MAPK10: variants seen among roughly 807,000 people sequenced by gnomAD.
MAPK10 encodes JNK3 alpha protein kinase.
Under a neutral mutation model 59.3 loss-of-function variants are expected in MAPK10, and 25 were observed. That is an observed-to-expected ratio of 0.42 (90% confidence interval 0.31 to 0.59). The LOEUF is 0.59. MAPK10 is among the 20% of genes least tolerant of loss of function. The pLI is 0.15. For synonymous variants in MAPK10, 190 were observed against 200.5 expected (o/e 0.95, Z 0.44); for missense variants, 351 against 568.9 (o/e 0.62, Z 3.90).
chr4:86,166,383 T>G (rs564619959), intron 3 of MAPK10, among the ~76,000 whole-genome samples: 1 of 152,244 alleles, frequency 6.6e-6, no homozygotes, highest in African/African-American at 2.4e-5. Flanking sequence ...AATAAGATAA[T>G]CTATGTAAGC....
At chr4:86,447,874 C>T (rs112264497) in intron 1 of MAPK10, among the ~76,000 whole-genome samples, 76 of 152,062 alleles carry the variant, frequency 5.0e-4, no homozygotes, top group African/African-American at 1.7e-3. Context: ...TTACACCTAC[C>T]TAGAATTCCA....
At chr4:86,048,996 C>T (rs965472231) in intron 11 of MAPK10, among the ~76,000 whole-genome samples, 7 of 151,818 alleles carry the variant, frequency 4.6e-5, no homozygotes, top group African/African-American at 9.7e-5. Flanking sequence ...TAGTAAAAAC[C>T]GCCCCTTCTA....
At chr4:86,172,640 G>A (rs563181393) in intron 3 of MAPK10, among the ~76,000 whole-genome samples, 12,083 of 149,866 alleles carry the variant, frequency 0.081, 1,075 homozygotes, top group African/African-American at 0.22. Context: ...CGAGTTAATG[G>A]GTGCAGCACA....
intron 2 of MAPK10, among the ~76,000 whole-genome samples, chr4:86,330,467 T>A (rs1215998170): frequency 6.6e-6 from 1 of 152,152 alleles, no homozygotes; most frequent in Non-Finnish European, 1.5e-5. Flanking sequence ...TTTCCCATAA[T>A]CCCCACACGT....
At chr4:86,105,796 C>T (rs990452518) in intron 5 of MAPK10, among the ~76,000 whole-genome samples, 1 of 152,066 alleles carries the variant, frequency 6.6e-6, no homozygotes, top group Non-Finnish European at 1.5e-5. Context: ...GTTGCATGGC[C>T]ATATTAGATA....
chr4:86,353,556 G>A (rs924405968), intron 2 of MAPK10, among the ~76,000 whole-genome samples: 1 of 152,112 alleles, frequency 6.6e-6, no homozygotes, highest in Non-Finnish European at 1.5e-5. Context: ...ACAGTATAGT[G>A]ATGCTATTAG....
Position 86,016,927 on chromosome 4 carries a change from T to C in MAPK10, c.*301A>G. The C allele has an allele frequency of 4.0e-6, 1 of 249,920 alleles. No homozygotes were observed. Among genetic ancestry groups the C allele is most frequent in the Non-Finnish European group, 7.9e-6 (1 of 127,360 alleles). The allele number at this position is 249,920 out of a possible 1,614,324, so 15.5% of individuals were successfully genotyped here. ...TTGCCGGTTTTGCAGCCATTAAAAT[T>C]ACACTTTATGGAAAAGGCTTCTCTA... On this transcript the variant is annotated 3_prime_UTR_variant, in exon 14 of 14. Coordinates refer to ENST00000641462, the MANE Select transcript of MAPK10 (RefSeq NM_138982.4).
chr4:86,183,829 A>G (rs2077499208), intron 3 of MAPK10, among the ~76,000 whole-genome samples: 1 of 152,186 alleles, frequency 6.6e-6, no homozygotes, highest in Non-Finnish European at 1.5e-5. Flanking sequence ...AATGATCGCC[A>G]TTCTAACTGG....
chr4:86,224,706 T>G (rs1360411380), intron 2 of MAPK10, among the ~76,000 whole-genome samples: 1 of 152,176 alleles, frequency 6.6e-6, no homozygotes. Flanking sequence ...TTCCCTTTCT[T>G]TGCTCCCCAA....
At chr4:86,233,469 T>C (rs2091861488) in intron 2 of MAPK10, among the ~76,000 whole-genome samples, 1 of 152,202 alleles carries the variant, frequency 6.6e-6, no homozygotes, top group Non-Finnish European at 1.5e-5. Context: ...GCTATTTTAC[T>C]TCTCCCCAGG....
intron 10 of MAPK10, chr4:86,065,388 C>G (rs1321909514): frequency 6.6e-6 from 1 of 152,150 alleles, no homozygotes; most frequent in African/African-American, 2.4e-5. Flanking sequence ...CTACACCAGA[C>G]ACTAATGAGA....
chr4:86,590,760 T>TG (rs569396648), intron 1 of MAPK10, among the ~76,000 whole-genome samples: 339 of 152,154 alleles, frequency 2.2e-3, no homozygotes, highest in Middle Eastern at 0.017. Context: ...CACTCCAGCC[T>TG]GGGTAACAGA....
intron 2 of MAPK10, among the ~76,000 whole-genome samples, chr4:86,301,463 A>C (rs925928359): frequency 1.3e-5 from 2 of 152,074 alleles, no homozygotes; most frequent in Non-Finnish European, 2.9e-5. Flanking sequence ...TCTGCTGAAA[A>C]CAAAGTCTTG....
chr4:86,119,183 T>A (rs1268981143), intron 4 of MAPK10, among the ~76,000 whole-genome samples: 2 of 152,206 alleles, frequency 1.3e-5, no homozygotes, highest in Non-Finnish European at 2.9e-5. Context: ...AGATATTCAT[T>A]ATATCATATA....
chr4:86,404,802 AG>A (rs1744157140), intron 1 of MAPK10, among the ~76,000 whole-genome samples: 1 of 152,216 alleles, frequency 6.6e-6, no homozygotes, highest in African/African-American at 2.4e-5. Flanking sequence ...ATTCTATCTT[AG>A]TAGACAGTAA....
chr4:86,293,499 T>C (rs2095281136), intron 2 of MAPK10, among the ~76,000 whole-genome samples: 1 of 152,186 alleles, frequency 6.6e-6, no homozygotes, highest in East Asian at 1.9e-4. Flanking sequence ...GGCTTTCACC[T>C]CTGCACTAGG....
At chr4:86,492,672 T>C (rs1175497616) in intron 1 of MAPK10, among the ~76,000 whole-genome samples, 2 of 152,238 alleles carry the variant, frequency 1.3e-5, no homozygotes, top group Non-Finnish European at 2.9e-5. Context: ...TCTGGGAGCA[T>C]AGCAGGTGCT....
At chr4:86,339,086 C>T (rs566871469) in intron 2 of MAPK10, among the ~76,000 whole-genome samples, 1 of 152,294 alleles carries the variant, frequency 6.6e-6, no homozygotes, top group East Asian at 1.9e-4. Context: ...TCACACTCTG[C>T]AGTCAGGCAC....
chr4:86,585,778 T>A (rs992480907), intron 1 of MAPK10, among the ~76,000 whole-genome samples: 1 of 152,230 alleles, frequency 6.6e-6, no homozygotes, highest in Admixed American at 6.5e-5. Flanking sequence ...TCTGTAGATA[T>A]GACCATTTTC....
Sources: allele counts gnomAD v4.1 joint callset (sites outside exome capture counted in the v4.1 genomes callset), GRCh38; gene constraint gnomAD v4.1.1; transcripts MANE v1.5; gene names NCBI Gene and HGNC (gene_info 2026-07-23, HGNC 2026-07-21).